The following ITGA11 variants were observed in gnomAD, a reference collection of about 807,000 sequenced individuals.
The protein encoded by ITGA11 is integrin subunit alpha 11, also known as integrin alpha-11.
Under a neutral mutation model 141.9 loss-of-function variants are expected in ITGA11, and 97 were observed. That is an observed-to-expected ratio of 0.68 (90% CI 0.58 to 0.81). ITGA11 has a LOEUF of 0.81. Ranked by LOEUF, ITGA11 falls within the 30% of genes least tolerant of loss-of-function variation. ITGA11 has a pLI of 0.00. For missense variants in ITGA11, 1,387 were observed against 1,559.2 expected, an observed-to-expected ratio of 0.89 and a Z score of 1.86; for synonymous variants, 658 against 624.6, an observed-to-expected ratio of 1.05 and a Z score of -0.80.
In ITGA11 at chr15:68,302,119, GA is replaced by G. The variant is rs775258803; in HGVS notation, c.*939del. On this transcript the variant is annotated 3_prime_UTR_variant, in exon 30 of 30. Transcript: ENST00000315757. ...GTGTGTGTGTGTGTGTGTGTGTAGG[GA>G]GGGGGTGATACAGGGAGGGGAGGCT... 779 of 102,106 alleles carry G rather than the reference GA, an allele frequency of 7.6e-3. 4 individuals are homozygous for G. Among genetic ancestry groups the G allele is most frequent in the Non-Finnish European group, 0.01 (527 of 50,656 alleles). The allele number at this position is 102,106 out of a possible 1,614,324, so 6.3% of individuals were successfully genotyped here.
chr15:68,426,029 C>G (rs562820796), intron 1 of ITGA11, among the ~76,000 whole-genome samples: 1 of 152,316 alleles, frequency 6.6e-6, no homozygotes, highest in Non-Finnish European at 1.5e-5. Context: ...ACGAGGCTGC[C>G]CATCAGCAAC....
chr15:68,303,098 C>G lies in ITGA11; in HGVS notation c.3528G>C (p.Arg1176Ser), dbSNP rs763014108. Reference protein sequence around the residue: ...LGFFRSARRRREPGLDPTPKV... With the variant: ...LGFFRSARRRSEPGLDPTPKV... ...TGGGGGTGGGGTCCAGACCAGGCTC[C>G]CTCCTGCGCCTGGCACTTCTAAAGA... is the stretch of plus-strand genomic sequence containing the variant. The change falls in exon 30 of 30, where the codon AGG (arginine) becomes AGC (serine). Residue 1176 changes from arginine (R) to serine (S), a missense_variant. Physicochemically the swap from Arg to Ser is moderately radical, Grantham distance 110. Coordinates refer to ENST00000315757, the MANE Select transcript of ITGA11 (RefSeq NM_001004439.2). This position sits in a 1 kb window ranked among gnomAD's most constrained non-coding sequence, Gnocchi z 5.3. 1.7e-5 allele frequency: 27 copies of G among 1,550,792 alleles called. No individual in the cohort carries two copies. The highest frequency in any genetic ancestry group is 2.3e-5 in the Non-Finnish European group (26 of 1,147,028).
rs1892916470 is a variant in ITGA11 at position 68,296,647 on chromosome 15, T to G, written c.*6412A>C. ...TTTTTTTCTACTTGTTAGAAGTTCC[T>G]TAGAAGTTTGAGGACATTTTCTCTG... is the stretch of plus-strand genomic sequence containing the variant. On this transcript the variant is annotated 3_prime_UTR_variant, in exon 30 of 30. Coordinates refer to ENST00000315757, the MANE Select transcript of ITGA11 (RefSeq NM_001004439.2). The G allele has an allele frequency of 6.6e-6, 1 of 152,206 alleles. No homozygotes were observed. Among genetic ancestry groups the G allele is most frequent in the Non-Finnish European group, 1.5e-5 (1 of 68,034 alleles). 9.4% of individuals were successfully genotyped at this position (152,206 alleles called of 1,614,324 possible).
At chr15:68,405,861 C>T (rs1468892844) in intron 1 of ITGA11, among the ~76,000 whole-genome samples, 1 of 152,138 alleles carries the variant, frequency 6.6e-6, no homozygotes, top group Non-Finnish European at 1.5e-5. Flanking sequence ...AATGAACACA[C>T]ACGTATGCAC....
chr15:68,390,134 G>C (rs754160325), intron 2 of ITGA11, among the ~76,000 whole-genome samples: 2 of 152,180 alleles, frequency 1.3e-5, no homozygotes, highest in Non-Finnish European at 2.9e-5. Flanking sequence ...GCTAGAACCA[G>C]GGGATGTGGA....
intron 2 of ITGA11, among the ~76,000 whole-genome samples, chr15:68,390,484 T>A (rs1896090827): frequency 6.6e-6 from 1 of 152,128 alleles, no homozygotes; most frequent in Admixed American, 6.5e-5. Flanking sequence ...AAACAGCGGA[T>A]CCTTGGGGGG....
chr15:68,316,571 C>T (rs1429286761), intron 21 of ITGA11, among the ~76,000 whole-genome samples: 1 of 152,186 alleles, frequency 6.6e-6, no homozygotes, highest in African/African-American at 2.4e-5. Context: ...TGACTTATAT[C>T]TCACCAGGGA....
chr15:68,353,382 C>T (rs1031271697), intron 7 of ITGA11, among the ~76,000 whole-genome samples: 3 of 152,138 alleles, frequency 2.0e-5, no homozygotes, highest in Non-Finnish European at 2.9e-5. Flanking sequence ...CGAGCTCAAG[C>T]GCAACCCAGT....
At chr15:68,331,369 A>G (rs1320284012) in intron 14 of ITGA11, among the ~76,000 whole-genome samples, 1 of 152,096 alleles carries the variant, frequency 6.6e-6, no homozygotes, top group African/African-American at 2.4e-5. Flanking sequence ...CTTGGAGGCG[A>G]CCCATCCCCA....
At chr15:68,374,141 T>A (rs927427698) in intron 2 of ITGA11, among the ~76,000 whole-genome samples, 2 of 152,180 alleles carry the variant, frequency 1.3e-5, no homozygotes, top group African/African-American at 4.8e-5. Context: ...CAGATTCATA[T>A]CCCCTAGCTC....
intron 1 of ITGA11, among the ~76,000 whole-genome samples, chr15:68,427,826 G>A (rs1897180079): frequency 6.6e-6 from 1 of 152,146 alleles, no homozygotes; most frequent in African/African-American, 2.4e-5. Context: ...CTGAAGATGT[G>A]TGGGTGTCTT....
chr15:68,424,605 C>T (rs1191886545), intron 1 of ITGA11, among the ~76,000 whole-genome samples: 3 of 152,202 alleles, frequency 2.0e-5, no homozygotes, highest in Non-Finnish European at 2.9e-5. Context: ...CTGGTCCCTG[C>T]CTTCCCTCCT....
chr15:68,386,977 T>A (rs1414284642), intron 2 of ITGA11, among the ~76,000 whole-genome samples: 1 of 151,626 alleles, frequency 6.6e-6, no homozygotes, highest in Non-Finnish European at 1.5e-5. Context: ...CCCATGTCTA[T>A]CAGAGACTCA....
chr15:68,331,158 T>A, intron 14 of ITGA11, 47 bp from the exon 15 acceptor site: 1 of 1,124,506 alleles, frequency 8.9e-7, no homozygotes, highest in Non-Finnish European at 1.2e-6. Flanking sequence ...ACTGTGAGTG[T>A]GGGGGCGGGC....
chr15:68,396,695 T>C (rs1896250746), intron 2 of ITGA11, among the ~76,000 whole-genome samples: 1 of 150,990 alleles, frequency 6.6e-6, no homozygotes, highest in South Asian at 2.1e-4. Context: ...AGGGAGTTAT[T>C]AGAAATAATA....
rs1893959764 is a variant in ITGA11 at position 68,325,943 on chromosome 15, G to A, written c.2212-702C>T. Among the ~76,000 whole-genome samples the A allele has an allele frequency of 6.6e-6, 1 of 152,232 alleles. No homozygotes were observed. The highest frequency in any genetic ancestry group is 1.5e-5 in the Non-Finnish European group (1 of 68,032). On this transcript the variant is annotated intron_variant, in intron 17 of 29. Coordinates refer to ENST00000315757, the MANE Select transcript of ITGA11 (RefSeq NM_001004439.2). This position sits in a 1 kb window ranked among gnomAD's most constrained non-coding sequence, Gnocchi z 5.5. ...GGTGCTGGCGCCAGCCCCAGCCCCA[G>A]CCCCAGAGTTTCTGAGTCAGAACAA...
chr15:68,327,602 G>T (rs1894020024), intron 16 of ITGA11, among the ~76,000 whole-genome samples: 1 of 152,222 alleles, frequency 6.6e-6, no homozygotes, highest in Non-Finnish European at 1.5e-5. Flanking sequence ...TCATGAGTAG[G>T]TGTCTGACTC....
At chr15:68,361,823 G>A in intron 4 of ITGA11, 119 bp from the exon 5 acceptor site, 2 of 655,600 alleles carry the variant, frequency 3.1e-6, no homozygotes, top group South Asian at 3.7e-5. Flanking sequence ...TCTGAGGGGT[G>A]AGGGGGTGAG....
chr15:68,350,538 G>T, intron 9 of ITGA11, 79 bp downstream of exon 9: 1 of 1,378,830 alleles, frequency 7.3e-7, no homozygotes, highest in Non-Finnish European at 9.9e-7. Context: ...TCGTTTTGTG[G>T]GATTGGTTTG....
Sources: gnomAD v4.1 joint callset for allele counts (sites outside exome capture counted in the v4.1 genomes callset) on GRCh38, gnomAD v4.1.1 for gene constraint, Gnocchi (gnomAD v3.1) non-coding constraint, MANE v1.5 for transcripts, NCBI Gene and HGNC (gene_info 2026-07-23, HGNC 2026-07-21) for gene names.